KCNN2: variants seen among roughly 807,000 people sequenced by gnomAD.
The protein encoded by KCNN2 is small conductance calcium-activated potassium channel protein 2.
In KCNN2, 24 loss-of-function variants were observed where a neutral mutation model predicts 55.5. That is an observed-to-expected ratio of 0.43 (90% CI 0.31 to 0.61). KCNN2 has a LOEUF of 0.61. Ranked by LOEUF, KCNN2 falls within the 20% of genes least tolerant of loss-of-function variation. The pLI, the probability that KCNN2 is intolerant of heterozygous loss-of-function variation, is 0.08. For missense variants in KCNN2, 754 were observed against 853.6 expected (o/e 0.88, Z 1.45); for synonymous variants, 431 against 336.1 (o/e 1.28, Z -3.09).
At chr5:114,160,611 G>T (rs1414236489) in intron 1 of KCNN2, among the ~76,000 whole-genome samples, 1 of 152,122 alleles carries the variant, frequency 6.6e-6, no homozygotes, top group Non-Finnish European at 1.5e-5. Context: ...GGGTGTTAAA[G>T]TCTCCCATTA....
At chr5:114,148,059 C>T (rs1004218546) in intron 1 of KCNN2, among the ~76,000 whole-genome samples, 1 of 152,122 alleles carries the variant, frequency 6.6e-6, no homozygotes, top group African/African-American at 2.4e-5. Context: ...AAACAACTGG[C>T]AAATAGTAGG....
chr5:114,085,053 CATATAT>C (rs57320559), intron 1 of KCNN2, among the ~76,000 whole-genome samples: 1 of 149,898 alleles, frequency 6.7e-6, no homozygotes, highest in Non-Finnish European at 1.5e-5. Flanking sequence ...TATATAGAGA[CATATAT>C]ATATATATAT....
intron 1 of KCNN2, among the ~76,000 whole-genome samples, chr5:114,063,686 G>C (rs1187294838): frequency 1.3e-5 from 2 of 152,134 alleles, no homozygotes; most frequent in Non-Finnish European, 1.5e-5. Flanking sequence ...GGGAGATAAG[G>C]CAATGCTAGG....
At chr5:114,129,733 T>A (rs1210416260) in intron 1 of KCNN2, among the ~76,000 whole-genome samples, 1 of 152,172 alleles carries the variant, frequency 6.6e-6, no homozygotes, top group African/African-American at 2.4e-5. Flanking sequence ...CAACCCAATT[T>A]CCTCCTTGTC....
chr5:114,320,041 C>A (rs545116256), intron 2 of KCNN2, among the ~76,000 whole-genome samples: 2 of 152,284 alleles, frequency 1.3e-5, no homozygotes, highest in Non-Finnish European at 2.9e-5. Flanking sequence ...ATTGTTACTC[C>A]ACCATCTTTT....
chr5:114,221,778 G>A (rs149819509), intron 2 of KCNN2, among the ~76,000 whole-genome samples: 1 of 152,082 alleles, frequency 6.6e-6, no homozygotes, highest in African/African-American at 2.4e-5. Flanking sequence ...AAACATAATA[G>A]GCACACAAAA....
At chr5:114,286,337 T>A (rs939444952) in intron 2 of KCNN2, among the ~76,000 whole-genome samples, 5 of 152,116 alleles carry the variant, frequency 3.3e-5, no homozygotes, top group African/African-American at 4.8e-5. Context: ...GTTAGAGATG[T>A]TTGAAAGGAT....
At chr5:114,141,275 C>G (rs1454263036) in intron 1 of KCNN2, among the ~76,000 whole-genome samples, 1 of 152,114 alleles carries the variant, frequency 6.6e-6, no homozygotes, top group East Asian at 1.9e-4. Flanking sequence ...TGCTATCCCT[C>G]TGTCTCCCCC....
At chr5:114,294,454 A>G (rs1241546370) in intron 2 of KCNN2, among the ~76,000 whole-genome samples, 1 of 152,050 alleles carries the variant, frequency 6.6e-6, no homozygotes, top group African/African-American at 2.4e-5. Flanking sequence ...TTATGTACCC[A>G]GTAGTCATTC....
intron 1 of KCNN2, among the ~76,000 whole-genome samples, chr5:114,071,221 G>A (rs568278990): frequency 6.6e-6 from 1 of 152,270 alleles, no homozygotes; most frequent in Non-Finnish European, 1.5e-5. Flanking sequence ...CAATAATGCC[G>A]GAGGTGTGGC....
At chr5:114,406,211 T>C (rs753573397) in intron 3 of KCNN2, among the ~76,000 whole-genome samples, 2 of 152,006 alleles carry the variant, frequency 1.3e-5, no homozygotes, top group Non-Finnish European at 2.9e-5. Context: ...AACTGCTTTT[T>C]ATAGTTTTGT....
At chr5:114,120,621 G>C (rs559116905) in intron 1 of KCNN2, among the ~76,000 whole-genome samples, 1 of 152,148 alleles carries the variant, frequency 6.6e-6, no homozygotes, top group African/African-American at 2.4e-5. Context: ...TGATGCAAAG[G>C]GGGAGGCCAA....
chr5:114,407,056 G>A (rs560858779), intron 3 of KCNN2, among the ~76,000 whole-genome samples: 73 of 151,968 alleles, frequency 4.8e-4, no homozygotes, highest in African/African-American at 1.7e-3. Context: ...GTTTCTGGAG[G>A]CTTCTAGTAT....
intron 1 of KCNN2, among the ~76,000 whole-genome samples, chr5:114,154,105 C>T (rs1752580251): frequency 6.6e-6 from 1 of 152,106 alleles, no homozygotes; most frequent in Non-Finnish European, 1.5e-5. Flanking sequence ...ATAATAAACC[C>T]TTCATGTTTT....
chr5:114,366,127 G>T (rs982447912), intron 2 of KCNN2, among the ~76,000 whole-genome samples: 1 of 152,214 alleles, frequency 6.6e-6, no homozygotes, highest in Admixed American at 6.5e-5. Flanking sequence ...ATAGATTAAT[G>T]CTTGAAAGCA....
At chr5:114,248,895 C>T (rs4597957) in intron 2 of KCNN2, among the ~76,000 whole-genome samples, 121,409 of 152,150 alleles carry the variant, frequency 0.8, 48,759 homozygotes, top group East Asian at 0.9. Flanking sequence ...TTTAATGAAT[C>T]ATTCAAACTG....
intron 2 of KCNN2, among the ~76,000 whole-genome samples, chr5:114,254,852 G>A (rs1274297412): frequency 6.6e-6 from 1 of 151,988 alleles, no homozygotes; most frequent in Non-Finnish European, 1.5e-5. Flanking sequence ...AAAATGATTG[G>A]TAATGTTTTC....
intron 2 of KCNN2, among the ~76,000 whole-genome samples, chr5:114,259,539 C>T (rs1439709140): frequency 6.6e-6 from 1 of 152,106 alleles, no homozygotes; most frequent in Non-Finnish European, 1.5e-5. Context: ...TTAATGGGTG[C>T]AGCACACCAA....
intron 1 of KCNN2, among the ~76,000 whole-genome samples, chr5:114,105,317 T>A (rs572456352): frequency 3.1e-4 from 47 of 152,178 alleles, no homozygotes; most frequent in African/African-American, 1.1e-3. Flanking sequence ...TGATCCTGAT[T>A]TGAGGGTATC....
Sources: gnomAD v4.1 joint callset for allele counts (sites outside exome capture counted in the v4.1 genomes callset) on GRCh38, gnomAD v4.1.1 for gene constraint, MANE v1.5 for transcripts, NCBI Gene and HGNC (gene_info 2026-07-23, HGNC 2026-07-21) for gene names.